PIK3R5: variants seen among roughly 807,000 people sequenced by gnomAD.
PIK3R5 encodes the protein phosphoinositide 3-kinase regulatory subunit 5.
A neutral mutation model predicts 94.9 loss-of-function variants in PIK3R5; 32 were observed. The observed-to-expected ratio is 0.34, with a 90% CI of 0.25 to 0.45. The LOEUF (loss-of-function observed/expected upper bound fraction) is 0.45, where lower values mean the gene tolerates loss of function less well. PIK3R5 is among the 20% of genes least tolerant of loss of function. PIK3R5 has a pLI of 1.00. For missense variants in PIK3R5, 853 were observed against 1,144.6 expected (o/e 0.75, Z 3.68); for synonymous variants, 443 against 479.4 (o/e 0.92, Z 0.99).
At chr17:8,961,549 T>C (rs1368378860) in intron 1 of PIK3R5, among the ~76,000 whole-genome samples, 2 of 151,988 alleles carry the variant, frequency 1.3e-5, no homozygotes, top group Non-Finnish European at 2.9e-5. Flanking sequence ...ACAGGAGAAT[T>C]GCTTGAACCC....
chr17:8,929,085 A>G (rs958933744), intron 1 of PIK3R5, among the ~76,000 whole-genome samples: 1 of 152,218 alleles, frequency 6.6e-6, no homozygotes, highest in South Asian at 2.1e-4. Flanking sequence ...AAAAAGCTAT[A>G]CAAATAGATA....
rs1299935686 is a variant in PIK3R5, at chr17:8,925,796, T to A, written c.-13-14289A>T. On this transcript the variant is annotated intron_variant, in intron 1 of 18. Coordinates refer to ENST00000447110, the MANE Select transcript of PIK3R5 (RefSeq NM_001142633.3). The surrounding 1 kb of genome is among the most constrained non-coding windows in gnomAD (Gnocchi z 5.1). ...TCCTTGGATGCTTCATCCCCTTTTGTCTTTTCCTTTAATGCAGATAGATGC... is the reference window on the plus strand; with the variant it reads ...TCCTTGGATGCTTCATCCCCTTTTGACTTTTCCTTTAATGCAGATAGATGC... 6.6e-6 allele frequency among the ~76,000 whole-genome samples: 1 copy of A among 152,352 alleles called. No individual in the cohort carries two copies. Among genetic ancestry groups the A allele is most frequent in the South Asian group, 2.1e-4 (1 of 4,830 alleles).
intron 5 of PIK3R5, among the ~76,000 whole-genome samples, chr17:8,895,349 C>A (rs1489188908): frequency 3.3e-5 from 5 of 152,194 alleles, no homozygotes; most frequent in Non-Finnish European, 4.4e-5. Context: ...TTCTTCACCG[C>A]CACTTCTGCC....
At chr17:8,913,960 G>A (rs1325047800) in intron 1 of PIK3R5, among the ~76,000 whole-genome samples, 1 of 152,186 alleles carries the variant, frequency 6.6e-6, no homozygotes, top group African/African-American at 2.4e-5. Flanking sequence ...GAGCATCTGT[G>A]GGGACTGACA....
chr17:8,955,352 C>A lies in PIK3R5; in HGVS notation c.-14+10244G>T, dbSNP rs2091451908. 6.6e-6 allele frequency among the ~76,000 whole-genome samples: 1 copy of A among 152,170 alleles called. No homozygotes were observed. Among genetic ancestry groups the A allele is most frequent in the Non-Finnish European group, 1.5e-5 (1 of 68,022 alleles). On this transcript the variant is annotated intron_variant, in intron 1 of 18. Coordinates refer to ENST00000447110, the MANE Select transcript of PIK3R5 (RefSeq NM_001142633.3). The surrounding 1 kb of genome is among the most constrained non-coding windows in gnomAD (Gnocchi z 4.4). ...CTGAACAAAATGATTGGAAAGCTTC[C>A]CTCATTGGGAAGGGGATGAGTGAGG...
rs1483499595 is a variant in PIK3R5, at chr17:8,935,859, A to C, written c.-13-24352T>G. ...CACGAGGTCAGGAGATCGAGACTAT[A>C]CTGGCTAACGCAGTGAAACCCGATC... On this transcript the variant is annotated intron_variant, in intron 1 of 18. Transcript: ENST00000447110. The surrounding 1 kb of genome is among the most constrained non-coding windows in gnomAD (Gnocchi z 4.5). 2.6e-5 allele frequency among the ~76,000 whole-genome samples: 4 copies of C among 152,032 alleles called. No individual in the cohort carries two copies. Among genetic ancestry groups the C allele is most frequent in the African/African-American group, 9.7e-5 (4 of 41,388 alleles).
At position 8,893,534 on chromosome 17, in the gene PIK3R5, A is replaced by G; in HGVS notation, c.482+52T>C. 2 of 1,400,406 alleles carry G rather than the reference A, an allele frequency of 1.4e-6. No homozygotes were observed. Among genetic ancestry groups the G allele is most frequent in the Non-Finnish European group, 2.0e-6 (2 of 985,850 alleles). The allele number at this position is 1,400,406 out of a possible 1,614,324, so 86.7% of individuals were successfully genotyped here. ...GAGGAGGGTGAAGGTGGAACAGTGC[A>G]GGGGTCCCAAACTCCCTCCCCACTG... On this transcript the variant is annotated intron_variant, in intron 6 of 18. Transcript: ENST00000447110. The surrounding 1 kb of genome is among the most constrained non-coding windows in gnomAD (Gnocchi z 5.1).
At chr17:8,943,686 T>C (rs1363696050) in intron 1 of PIK3R5, among the ~76,000 whole-genome samples, 1 of 152,028 alleles carries the variant, frequency 6.6e-6, no homozygotes, top group African/African-American at 2.4e-5. Context: ...GGCAGGAGAA[T>C]CGCTGGAACC....
chr17:8,892,699 G>T lies in PIK3R5; in HGVS notation c.482+887C>A, dbSNP rs909773922. On this transcript the variant is annotated intron_variant, in intron 6 of 18. Coordinates refer to ENST00000447110, the MANE Select transcript of PIK3R5 (RefSeq NM_001142633.3). This position sits in a 1 kb window ranked among gnomAD's most constrained non-coding sequence, Gnocchi z 4.3. ...CCTCTGTCTCAACATCTATCATTTT[G>T]TTTGTGTTTGTTTTCACCTAGAGGG... 1.3e-5 allele frequency among the ~76,000 whole-genome samples: 2 copies of T among 152,148 alleles called. No homozygotes were observed. Among genetic ancestry groups the T allele is most frequent in the African/African-American group, 4.8e-5 (2 of 41,430 alleles).
At chr17:8,901,647 C>A (rs2090285252) in intron 5 of PIK3R5, among the ~76,000 whole-genome samples, 1 of 152,110 alleles carries the variant, frequency 6.6e-6, no homozygotes, top group Admixed American at 6.6e-5. Context: ...TAAACAGGAC[C>A]TGGTGCATGT....
chr17:8,933,466 C>G, intron 1 of PIK3R5, among the ~76,000 whole-genome samples: 1 of 152,084 alleles, frequency 6.6e-6, no homozygotes, highest in East Asian at 1.9e-4. Flanking sequence ...GCTATTGTAT[C>G]AAACCTTTAA....
At chr17:8,887,967 C>T (rs1330016059) in intron 10 of PIK3R5, among the ~76,000 whole-genome samples, 1 of 149,618 alleles carries the variant, frequency 6.7e-6, no homozygotes, top group African/African-American at 2.4e-5. Context: ...TGCCACTGCA[C>T]TCCAGCCCGG....
intron 11 of PIK3R5, 28 bp downstream of exon 11, chr17:8,887,493 C>A: frequency 1.3e-6 from 2 of 1,583,658 alleles, no homozygotes; most frequent in East Asian, 2.3e-5. Context: ...CTACTTTCCC[C>A]GACCATTGGC....
intron 1 of PIK3R5, among the ~76,000 whole-genome samples, chr17:8,932,621 G>A (rs2091007063): frequency 6.6e-6 from 1 of 152,142 alleles, no homozygotes; most frequent in African/African-American, 2.4e-5. Context: ...TGGATGGACT[G>A]AATAAAAGAC....
chr17:8,902,587 G>A (rs921783787), intron 5 of PIK3R5, among the ~76,000 whole-genome samples: 4 of 151,942 alleles, frequency 2.6e-5, no homozygotes, highest in Admixed American at 6.6e-5. Context: ...ATTTTTCTCA[G>A]TTTGTCATTT....
In PIK3R5 at chr17:8,886,561, G is replaced by C. The variant is rs1248318042; in HGVS notation, c.1950C>G (p.Thr650=). The change falls in exon 13 of 19, where the codon ACC becomes ACG. Residue 650 remains threonine (T), a synonymous_variant. Coordinates refer to ENST00000447110, the MANE Select transcript of PIK3R5 (RefSeq NM_001142633.3). ...AEAQALEGSP[T]QLPILADMLL... The stretch of plus-strand genomic sequence containing the variant: ...GCATGTCAGCCAGGATGGGCAGCTG[G>C]GTTGGGGAGCCCTCCAGGGCCTGGG... 2 of 1,611,782 alleles carry C rather than the reference G, an allele frequency of 1.2e-6. No individual in the cohort carries two copies. Among genetic ancestry groups the C allele is most frequent in the Admixed American group, 3.3e-5 (2 of 59,754 alleles).
chr17:8,918,091 A>G (rs1043465689), intron 1 of PIK3R5, among the ~76,000 whole-genome samples: 10 of 152,330 alleles, frequency 6.6e-5, no homozygotes, highest in Middle Eastern at 3.4e-3. Flanking sequence ...GAAAAATTTT[A>G]AAAAGATGTA....
At chr17:8,933,693 A>G (rs2091024539) in intron 1 of PIK3R5, among the ~76,000 whole-genome samples, 1 of 152,146 alleles carries the variant, frequency 6.6e-6, no homozygotes, top group African/African-American at 2.4e-5. Flanking sequence ...GAAATATATA[A>G]ATATAATCAT....
chr17:8,951,386 C>G (rs997571382), intron 1 of PIK3R5, among the ~76,000 whole-genome samples: 1 of 152,116 alleles, frequency 6.6e-6, no homozygotes, highest in Admixed American at 6.6e-5. Flanking sequence ...AACTCCATAC[C>G]CAATAAACAC....
Sources: allele counts gnomAD v4.1 joint callset (sites outside exome capture counted in the v4.1 genomes callset), GRCh38; gene constraint gnomAD v4.1.1; non-coding constraint Gnocchi (gnomAD v3.1); transcripts MANE v1.5; gene names NCBI Gene and HGNC (gene_info 2026-07-23, HGNC 2026-07-21).